Variants in ZNF569 observed in about 807,000 individuals in gnomAD.
The protein encoded by ZNF569 is zinc finger protein 569, also known as DNA-binding protein.
Under a neutral mutation model 56.3 loss-of-function variants are expected in ZNF569, and 38 were observed. That is an observed-to-expected ratio of 0.68 (90% CI 0.52 to 0.88). ZNF569 has a LOEUF of 0.88. Among genes scored for constraint, ZNF569 ranks in the 40% least tolerant of loss-of-function variants. ZNF569 has a pLI of 0.00. For missense variants in ZNF569, 666 were observed against 809.2 expected (o/e 0.82, Z 2.15); for synonymous variants, 241 against 262.9 (o/e 0.92, Z 0.81).
At chr19:37,427,129 G>A (rs1305343337) in intron 3 of ZNF569, among the ~76,000 whole-genome samples, 1 of 129,208 alleles carries the variant, frequency 7.7e-6, no homozygotes, top group Non-Finnish European at 1.6e-5. Flanking sequence ...GACGGGCCTG[G>A]GCAATGTGGC....
intron 5 of ZNF569, among the ~76,000 whole-genome samples, chr19:37,424,683 G>A (rs566616605): frequency 6.6e-6 from 1 of 151,840 alleles, no homozygotes; most frequent in African/African-American, 2.4e-5. Context: ...AGGCATGGTG[G>A]TGCATGCCTA....
chr19:37,415,625 C>G (rs2040915493), intron 5 of ZNF569, among the ~76,000 whole-genome samples: 1 of 151,828 alleles, frequency 6.6e-6, no homozygotes, highest in African/African-American at 2.4e-5. Context: ...AATCCCAGCA[C>G]TTTGGGAGGC....
intron 5 of ZNF569, among the ~76,000 whole-genome samples, chr19:37,419,932 T>C (rs930748738): frequency 6.6e-6 from 1 of 151,246 alleles, no homozygotes; most frequent in African/African-American, 2.4e-5. Context: ...TTACAGAAAG[T>C]TGGGGTGGCT....
At chr19:37,436,042 G>A (rs550145311) in intron 3 of ZNF569, among the ~76,000 whole-genome samples, 22 of 152,182 alleles carry the variant, frequency 1.4e-4, no homozygotes, top group Middle Eastern at 3.4e-3. Flanking sequence ...TGCAGAATGC[G>A]CATTCTTTTC....
intron 3 of ZNF569, among the ~76,000 whole-genome samples, chr19:37,434,834 G>A (rs1411031853): frequency 1.3e-5 from 2 of 152,070 alleles, no homozygotes; most frequent in East Asian, 3.8e-4. Flanking sequence ...TCCACCCCCT[G>A]CCCGCAAAAC....
rs537900741 is a variant in ZNF569 at position 37,421,092 on chromosome 19, T to C, written c.238+4776A>G. On this transcript the variant is annotated intron_variant, in intron 5 of 5. Coordinates refer to ENST00000316950, the MANE Select transcript of ZNF569 (RefSeq NM_152484.3). ...GTAGGTATCAACAGTGGGCTTAAAA[T>C]ATTTAGCAAATCAATGCTGTAAACA... 1.4e-4 allele frequency among the ~76,000 whole-genome samples: 22 copies of C among 152,320 alleles called. No homozygotes were observed. In the South Asian group the frequency reaches 1.9e-3, roughly 13 times the overall value.
chr19:37,413,457 T>C lies in ZNF569; in HGVS notation c.1201A>G (p.Met401Val). The C allele has an allele frequency of 6.2e-7, 1 of 1,613,866 alleles. No individual in the cohort carries two copies. The highest frequency in any genetic ancestry group is 8.5e-7 in the Non-Finnish European group (1 of 1,179,914). ...GGTTTCTCACCAGTGTGACTTCTCA[T>C]ATGTACAGTAAGGGCTGAGCTTTGA... ...FSQSSALTVH[M>V]RSHTGEKPYE... Residue 401 changes from methionine to valine, a missense_variant, in exon 6 of 6, where the codon ATG becomes GTG. Met to Val is a conservative substitution (Grantham distance 21). Transcript: ENST00000316950.
intron 5 of ZNF569, among the ~76,000 whole-genome samples, chr19:37,424,510 T>A (rs1197676545): frequency 3.9e-5 from 6 of 152,178 alleles, no homozygotes; most frequent in African/African-American, 1.4e-4. Context: ...TGGTCACTTT[T>A]GTACTACAAA....
intron 3 of ZNF569, among the ~76,000 whole-genome samples, chr19:37,433,583 G>C (rs1199736733): frequency 6.6e-6 from 1 of 152,054 alleles, no homozygotes; most frequent in Non-Finnish European, 1.5e-5. Context: ...CAATGATAAA[G>C]AAAGGATCCA....
At chr19:37,439,694 G>C (rs905402813) in intron 3 of ZNF569, among the ~76,000 whole-genome samples, 2 of 152,100 alleles carry the variant, frequency 1.3e-5, no homozygotes, top group African/African-American at 2.4e-5. Context: ...AAGAAAATGT[G>C]ATACATACAC....
intron 5 of ZNF569, among the ~76,000 whole-genome samples, chr19:37,423,294 G>C (rs1391959742): frequency 1.3e-5 from 2 of 152,130 alleles, no homozygotes; most frequent in African/African-American, 4.8e-5. Context: ...ACACAAGGTC[G>C]AAATAGTTCA....
upstream of ZNF569, chr19:37,469,123 G>C: frequency 9.3e-7 from 1 of 1,075,262 alleles, no homozygotes; most frequent in Non-Finnish European, 1.1e-6. Flanking sequence ...GGCCAGGCTC[G>C]GAGCTGCAGG....
At chr19:37,468,708 A>T (rs113781745), upstream of ZNF569, among the ~76,000 whole-genome samples, 9 of 152,096 alleles carry the variant, frequency 5.9e-5, no homozygotes, top group African/African-American at 2.2e-4. Context: ...GGGTTTCACC[A>T]TGTTGGTCAG....
At chr19:37,454,899 C>T (rs1280110735) in intron 2 of ZNF569, 1 of 702,052 alleles carries the variant, frequency 1.4e-6, no homozygotes, top group Non-Finnish European at 2.6e-6. Flanking sequence ...TTTCTCTCAG[C>T]TGGCATCTTT....
chr19:37,464,179 A>C (rs2041796795), intron 2 of ZNF569, among the ~76,000 whole-genome samples: 1 of 152,024 alleles, frequency 6.6e-6, no homozygotes, highest in African/African-American at 2.4e-5. Context: ...AGGTATACCA[A>C]TTTTAATCGT....
rs1211954027 is a variant in ZNF569, at chr19:37,412,791, T to C, written c.1867A>G (p.Ile623Val). 1.9e-6 allele frequency: 3 copies of C among 1,613,976 alleles called. No individual in the cohort carries two copies. The highest frequency in any genetic ancestry group is 2.2e-5 in the East Asian group (1 of 44,868). Residue 623 changes from isoleucine to valine, a missense_variant, in exon 6 of 6, where the codon ATA (isoleucine) becomes GTA (valine). Coordinates refer to ENST00000316950, the MANE Select transcript of ZNF569 (RefSeq NM_152484.3). ...TCACCTGTATGTCCTCGTATATGTA[T>C]AGTAAGGGATGAGCTTTGGGAGAAG... The part of the protein sequence containing the change: ...KAFSQSSSLT[I>V]HIRGHTGEKP...
intron 2 of ZNF569, among the ~76,000 whole-genome samples, chr19:37,457,215 G>A (rs569460910): frequency 9.9e-5 from 15 of 151,984 alleles, no homozygotes; most frequent in Non-Finnish European, 1.8e-4. Context: ...TTAAACATTC[G>A]TACAATAAAA....
Position 37,458,544 on chromosome 19 carries a change from C to T in ZNF569, c.-44+6769G>A, listed in dbSNP as rs191937734. ...AACTTTATCATTTGATTGGGATATC[C>T]GTCTATGTAGATCTATTTGTACTTC... is the stretch of plus-strand genomic sequence containing the variant. On this transcript the variant is annotated intron_variant, in intron 2 of 5. Coordinates refer to ENST00000316950, the MANE Select transcript of ZNF569 (RefSeq NM_152484.3). 5.9e-5 allele frequency among the ~76,000 whole-genome samples: 9 copies of T among 152,230 alleles called. No individual in the cohort carries two copies. In the East Asian group the frequency reaches 1.7e-3, roughly 29 times the overall value.
chr19:37,459,958 ATAAAG>A (rs1458186005), intron 2 of ZNF569, among the ~76,000 whole-genome samples: 3 of 152,364 alleles, frequency 2.0e-5, no homozygotes, highest in Middle Eastern at 3.4e-3. Context: ...AGTATAAATG[ATAAAG>A]TAAACAGGAG....
Sources: gnomAD v4.1 joint callset for allele counts (sites outside exome capture counted in the v4.1 genomes callset) on GRCh38, gnomAD v4.1.1 for gene constraint, MANE v1.5 for transcripts, NCBI Gene and HGNC (gene_info 2026-07-23, HGNC 2026-07-21) for gene names.